The following PRICKLE2 variants were observed in gnomAD, a reference collection of about 807,000 sequenced individuals.
PRICKLE2 encodes prickle-like protein 2.
In PRICKLE2, 21 loss-of-function variants were observed where a neutral mutation model predicts 81.4. The ratio of observed to expected loss-of-function variants is 0.26; its 90% CI spans 0.18 to 0.37. The LOEUF (loss-of-function observed/expected upper bound fraction) is 0.37, where lower values mean the gene tolerates loss of function less well. Among genes scored for constraint, PRICKLE2 ranks in the 10% least tolerant of loss-of-function variants. PRICKLE2 has a pLI of 1.00. For missense variants in PRICKLE2, 940 were observed against 1,109.0 expected (o/e 0.85, Z 2.16); for synonymous variants, 456 against 421.5 (o/e 1.08, Z -1.00).
At chr3:64,174,139 A>G (rs1322390048) in intron 2 of PRICKLE2, among the ~76,000 whole-genome samples, 1 of 152,200 alleles carries the variant, frequency 6.6e-6, no homozygotes, top group African/African-American at 2.4e-5. Context: ...GAGAAAAAAA[A>G]GATTCTCCAC....
At position 64,095,504 on chromosome 3, in the gene PRICKLE2, A is replaced by G. The variant is rs558971573; in HGVS notation, c.*3547T>C. The G allele has an allele frequency of 3.9e-4, 60 of 152,380 alleles. No homozygotes were observed. The highest frequency in any genetic ancestry group is 1.3e-3 in the African/African-American group (55 of 41,578). 9.4% of individuals were successfully genotyped at this position (152,380 alleles called of 1,614,324 possible). The stretch of plus-strand genomic sequence containing the variant: ...CTGCATCCACATTCTCAGCAAGAGT[A>G]TACAGTGATGCATTGGTTGTATCTG... On this transcript the variant is annotated 3_prime_UTR_variant, in exon 8 of 8. Coordinates refer to ENST00000638394, the MANE Select transcript of PRICKLE2 (RefSeq NM_198859.4).
intron 3 of PRICKLE2, among the ~76,000 whole-genome samples, chr3:64,161,661 A>T (rs1465515689): frequency 6.6e-6 from 1 of 151,782 alleles, no homozygotes; most frequent in Non-Finnish European, 1.5e-5. Flanking sequence ...AAACACAACA[A>T]ACCACTAAAA....
intron 2 of PRICKLE2, among the ~76,000 whole-genome samples, chr3:64,246,800 C>T (rs531955096): frequency 2.0e-5 from 3 of 152,326 alleles, no homozygotes; most frequent in Admixed American, 6.5e-5. Context: ...AAAGGTTTTA[C>T]TTTCCTTTGC....
At chr3:64,262,891 A>T (rs2079638044) in intron 2 of PRICKLE2, among the ~76,000 whole-genome samples, 2 of 152,190 alleles carry the variant, frequency 1.3e-5, no homozygotes, top group Non-Finnish European at 2.9e-5. Flanking sequence ...GACTTGTCCC[A>T]TTGCTAATAA....
intron 7 of PRICKLE2, chr3:64,104,427 T>C (rs2076721254): frequency 6.6e-6 from 1 of 152,246 alleles, no homozygotes; most frequent in African/African-American, 2.4e-5. Context: ...TCAGCATAAA[T>C]AACTTAGCAA....
At chr3:64,200,770 C>A (rs1270098018) in intron 1 of PRICKLE2, 1 of 152,200 alleles carries the variant, frequency 6.6e-6, no homozygotes, top group Non-Finnish European at 1.5e-5. Context: ...GCATGCACCA[C>A]CACGCCCAGC....
intron 2 of PRICKLE2, among the ~76,000 whole-genome samples, chr3:64,250,258 G>A (rs910249752): frequency 3.9e-5 from 6 of 152,184 alleles, no homozygotes; most frequent in African/African-American, 1.4e-4. Flanking sequence ...TTCTTTGTTG[G>A]AGGGGGCTGT....
intron 2 of PRICKLE2, among the ~76,000 whole-genome samples, chr3:64,240,105 A>G (rs1306903658): frequency 6.6e-6 from 1 of 152,292 alleles, no homozygotes; most frequent in East Asian, 1.9e-4. Flanking sequence ...CCTGTGCGAC[A>G]GAGACCCTGT....
At chr3:64,137,738 G>A (rs938897733) in intron 7 of PRICKLE2, among the ~76,000 whole-genome samples, 6 of 152,066 alleles carry the variant, frequency 3.9e-5, no homozygotes, top group African/African-American at 1.4e-4. Context: ...AAAAAGAAAC[G>A]AGGGATGGAT....
chr3:64,212,995 CATT>C (rs1228663955), intron 1 of PRICKLE2, among the ~76,000 whole-genome samples: 1 of 151,726 alleles, frequency 6.6e-6, no homozygotes, highest in Non-Finnish European at 1.5e-5. Flanking sequence ...AAGGTAATTT[CATT>C]ATTATCCCTA....
intron 1 of PRICKLE2, among the ~76,000 whole-genome samples, chr3:64,201,250 T>C (rs1266441573): frequency 6.6e-6 from 1 of 152,194 alleles, no homozygotes; most frequent in Non-Finnish European, 1.5e-5. Flanking sequence ...TTCTTTTGGG[T>C]ATATTCCTAG....
At chr3:64,202,394 G>C (rs1275868734) in intron 1 of PRICKLE2, among the ~76,000 whole-genome samples, 1 of 152,032 alleles carries the variant, frequency 6.6e-6, no homozygotes, top group East Asian at 1.9e-4. Context: ...ATGAACACAG[G>C]CTACCTTTCC....
intron 1 of PRICKLE2, among the ~76,000 whole-genome samples, chr3:64,211,582 T>C (rs1239594654): frequency 1.3e-5 from 2 of 152,184 alleles, no homozygotes; most frequent in Non-Finnish European, 2.9e-5. Flanking sequence ...AGGGAGAGAA[T>C]AAGCAGCACA....
At chr3:64,254,092 A>T (rs775256416) in intron 2 of PRICKLE2, among the ~76,000 whole-genome samples, 32 of 152,210 alleles carry the variant, frequency 2.1e-4, no homozygotes, top group Admixed American at 6.5e-4. Flanking sequence ...AGACAGCTGC[A>T]TTCTCCAGAG....
chr3:64,112,661 G>A (rs912291793), intron 7 of PRICKLE2, among the ~76,000 whole-genome samples: 1 of 152,270 alleles, frequency 6.6e-6, no homozygotes, highest in East Asian at 1.9e-4. Context: ...CCTCCAAGTG[G>A]GACCTAATTA....
intron 1 of PRICKLE2, among the ~76,000 whole-genome samples, chr3:64,221,942 T>C (rs2078962586): frequency 6.6e-6 from 1 of 152,352 alleles, no homozygotes; most frequent in Middle Eastern, 3.4e-3. Context: ...TCATCTGCTA[T>C]GTCATTTTAC....
intron 2 of PRICKLE2, among the ~76,000 whole-genome samples, chr3:64,238,548 G>A (rs1173299817): frequency 6.6e-6 from 1 of 151,964 alleles, no homozygotes; most frequent in East Asian, 1.9e-4. Flanking sequence ...GGTAGAATTA[G>A]GGCTAACATG....
chr3:64,264,373 G>A (rs1284965095), intron 2 of PRICKLE2, among the ~76,000 whole-genome samples: 1 of 152,154 alleles, frequency 6.6e-6, no homozygotes, highest in Non-Finnish European at 1.5e-5. Context: ...TTTCTTAAAT[G>A]CAGATTTCCA....
intron 2 of PRICKLE2, among the ~76,000 whole-genome samples, chr3:64,180,384 G>A (rs1329182052): frequency 6.6e-6 from 1 of 152,110 alleles, no homozygotes; most frequent in Non-Finnish European, 1.5e-5. Context: ...TCACATAGTT[G>A]TGCAACTGCT....
Sources: allele counts gnomAD v4.1 joint callset (sites outside exome capture counted in the v4.1 genomes callset), GRCh38; gene constraint gnomAD v4.1.1; transcripts MANE v1.5; gene names NCBI Gene and HGNC (gene_info 2026-07-23, HGNC 2026-07-21).